Variants in STAB2 observed in about 807,000 individuals in gnomAD.
STAB2 encodes stabilin-2.
A neutral mutation model predicts 338.1 loss-of-function variants in STAB2; 288 were observed. The ratio of observed to expected loss-of-function variants is 0.85; its 90% CI spans 0.77 to 0.94. STAB2 has a LOEUF of 0.94. Among genes scored for constraint, STAB2 ranks in the 40% least tolerant of loss-of-function variants. The pLI is 0.00. For missense variants in STAB2, 3,141 were observed against 3,210.1 expected (o/e 0.98, Z 0.52); for synonymous variants, 1,202 against 1,193.3 (o/e 1.01, Z -0.15).
chr12:103,655,905 A>G (rs996256570), intron 15 of STAB2, among the ~76,000 whole-genome samples: 1 of 152,230 alleles, frequency 6.6e-6, no homozygotes, highest in Non-Finnish European at 1.5e-5. Context: ...AGTAAAATCA[A>G]CACTTCAAGT....
intron 15 of STAB2, among the ~76,000 whole-genome samples, chr12:103,658,466 C>G (rs778537515): frequency 3.9e-5 from 6 of 152,160 alleles, no homozygotes; most frequent in Non-Finnish European, 5.9e-5. Flanking sequence ...TTCTTTGTCC[C>G]TCTCATTCTT....
chr12:103,645,955 C>T (rs1018206851), intron 9 of STAB2, among the ~76,000 whole-genome samples: 3 of 152,158 alleles, frequency 2.0e-5, no homozygotes, highest in African/African-American at 7.2e-5. Context: ...AAGGCTTCAT[C>T]AGTAAATGAT....
At chr12:103,728,442 G>A (rs948283314) in intron 47 of STAB2, among the ~76,000 whole-genome samples, 6 of 152,170 alleles carry the variant, frequency 3.9e-5, no homozygotes, top group Admixed American at 1.3e-4. Flanking sequence ...ATGGAGATAC[G>A]TCATGATCTT....
chr12:103,684,897 A>G (rs1877254678), intron 26 of STAB2, 92 bp from the exon 27 acceptor site: 15 of 1,267,266 alleles, frequency 1.2e-5, no homozygotes, highest in Non-Finnish European at 1.5e-5. Context: ...ATTTGCAGTT[A>G]TCACCTTAGA....
At chr12:103,727,100 T>C (rs778577399) in intron 46 of STAB2, among the ~76,000 whole-genome samples, 167 bp from the exon 47 acceptor site, 2 of 152,216 alleles carry the variant, frequency 1.3e-5, no homozygotes, top group Non-Finnish European at 2.9e-5. Context: ...CCACACACAA[T>C]TTCAACGACG....
At chr12:103,690,046 A>G (rs1877790948) in intron 29 of STAB2, 64 bp downstream of exon 29, 1 of 1,559,982 alleles carries the variant, frequency 6.4e-7, no homozygotes, top group Non-Finnish European at 8.7e-7. Context: ...ATGTCTTTGA[A>G]GTTCAATGTA....
At chr12:103,680,211 G>A (rs539784179) in intron 25 of STAB2, among the ~76,000 whole-genome samples, 31 of 152,194 alleles carry the variant, frequency 2.0e-4, no homozygotes, top group Admixed American at 5.2e-4. Flanking sequence ...GGATGGTAAT[G>A]ATGGTTGTAC....
chr12:103,728,792 C>T (rs2139068981), intron 47 of STAB2, 57 bp from the exon 48 acceptor site: 2 of 1,603,558 alleles, frequency 1.2e-6, no homozygotes, highest in Non-Finnish European at 1.7e-6. Context: ...AGCCAAATGG[C>T]ACATTGCAGC....
intron 54 of STAB2, 149 bp from the exon 55 acceptor site, chr12:103,740,481 T>C: frequency 1.0e-6 from 1 of 1,001,720 alleles, no homozygotes; most frequent in Non-Finnish European, 1.4e-6. Context: ...AGGAAAAATA[T>C]CACCTTGGAA....
chr12:103,615,677 A>G (rs1393615253), intron 3 of STAB2, among the ~76,000 whole-genome samples: 2 of 152,170 alleles, frequency 1.3e-5, no homozygotes, highest in Non-Finnish European at 2.9e-5. Context: ...TTTATAAAGG[A>G]AAGAGGTTTA....
intron 42 of STAB2, 141 bp downstream of exon 42, chr12:103,713,909 C>A: frequency 7.3e-7 from 1 of 1,377,888 alleles, no homozygotes; most frequent in Non-Finnish European, 9.8e-7. Context: ...AGTATAAGGG[C>A]ATGGAAAAGT....
At chr12:103,602,607 G>A (rs558281441) in intron 3 of STAB2, among the ~76,000 whole-genome samples, 1 of 152,330 alleles carries the variant, frequency 6.6e-6, no homozygotes, top group Admixed American at 6.5e-5. Flanking sequence ...GAGGAGTCCA[G>A]TTGTTTGGCA....
intron 42 of STAB2, among the ~76,000 whole-genome samples, chr12:103,714,841 C>T (rs554883556): frequency 2.6e-5 from 4 of 152,306 alleles, no homozygotes; most frequent in Middle Eastern, 6.8e-3. Context: ...TAGCCTCTTA[C>T]GTAACCACAG....
At chr12:103,759,912 G>A (rs1884414040) in intron 65 of STAB2, among the ~76,000 whole-genome samples, 1 of 152,214 alleles carries the variant, frequency 6.6e-6, no homozygotes, top group Non-Finnish European at 1.5e-5. Flanking sequence ...TTGGGATCAA[G>A]AGCTTATTTA....
chr12:103,655,480 G>T lies in STAB2; in HGVS notation c.1633G>T (p.Asp545Tyr). The change falls in exon 15 of 69, where the codon GAT becomes TAT. Residue 545 changes from aspartate (D) to tyrosine (Y), a missense_variant. Transcript: ENST00000388887. ...LEETNLGHAL[D>Y]EDGVGGPYTI... is the part of the protein sequence containing the mutation. ...GGAAACCAATTTGGGACATGCCTTA[G>T]ATGAGGATGGAGTTGGTGGACCATA... The T allele has an allele frequency of 6.2e-7, 1 of 1,614,060 alleles. No individual in the cohort carries two copies. Among genetic ancestry groups the T allele is most frequent in the Non-Finnish European group, 8.5e-7 (1 of 1,180,004 alleles).
chr12:103,640,613 A>T (rs1033308079), intron 9 of STAB2, among the ~76,000 whole-genome samples: 19 of 152,326 alleles, frequency 1.2e-4, no homozygotes, highest in Non-Finnish European at 2.8e-4. Context: ...TTCCTCACTC[A>T]TGACATATTG....
chr12:103,739,162 A>G (rs1882377462), intron 53 of STAB2, among the ~76,000 whole-genome samples: 1 of 148,930 alleles, frequency 6.7e-6, no homozygotes, highest in African/African-American at 2.5e-5. Flanking sequence ...TTTTTTTTAC[A>G]GTTGGAGTCT....
chr12:103,759,080 C>A, intron 64 of STAB2, 53 bp from the exon 65 acceptor site: 1 of 1,613,722 alleles, frequency 6.2e-7, no homozygotes, highest in Non-Finnish European at 8.5e-7. Flanking sequence ...ATTAAAAAGA[C>A]AAAATATTGC....
At position 103,733,117 on chromosome 12, in the gene STAB2, T is replaced by G. The variant is rs1048339665; in HGVS notation, c.5395T>G (p.Phe1799Val). Reference protein sequence around the residue: ...ALPAEQQDFLFNQDNKDKLKE... With the variant: ...ALPAEQQDFLVNQDNKDKLKE... Reference sequence around the variant, plus strand: ...ACCTGCTGAACAACAGGACTTCCTGTTCAACCAAGACAACAAGGACAAGCT... The same window carrying G: ...ACCTGCTGAACAACAGGACTTCCTGGTCAACCAAGACAACAAGGACAAGCT... Residue 1799 changes from phenylalanine to valine, a missense_variant, in exon 51 of 69, where the codon TTC (phenylalanine) becomes GTC (valine). Coordinates refer to ENST00000388887, the MANE Select transcript of STAB2 (RefSeq NM_017564.10). The G allele has an allele frequency of 2.5e-6, 4 of 1,614,136 alleles. No individual in the cohort carries two copies. The highest frequency in any genetic ancestry group is 3.4e-6 in the Non-Finnish European group (4 of 1,180,012).
Sources: allele counts gnomAD v4.1 joint callset (sites outside exome capture counted in the v4.1 genomes callset), GRCh38; gene constraint gnomAD v4.1.1; transcripts MANE v1.5; gene names NCBI Gene and HGNC (gene_info 2026-07-23, HGNC 2026-07-21).